Variants in TASP1 observed in about 807,000 individuals in gnomAD.
The protein encoded by TASP1 is taspase 1.
A neutral mutation model predicts 56.6 loss-of-function variants in TASP1; 16 were observed. The observed-to-expected ratio is 0.28, with a 90% CI of 0.19 to 0.43. The LOEUF (loss-of-function observed/expected upper bound fraction) is 0.43, where lower values mean the gene tolerates loss of function less well. TASP1 is among the 20% of genes least tolerant of loss of function. The pLI is 1.00. For synonymous variants in TASP1, 179 were observed against 184.2 expected, an observed-to-expected ratio of 0.97 and a Z score of 0.23; for missense variants, 393 against 511.6, an observed-to-expected ratio of 0.77 and a Z score of 2.24.
intron 13 of TASP1, among the ~76,000 whole-genome samples, chr20:13,394,426 T>C (rs548193081): frequency 4.0e-5 from 6 of 150,492 alleles, no homozygotes; most frequent in South Asian, 2.1e-4. Flanking sequence ...CTGGCTAACA[T>C]GGTGAAACCC....
chr20:13,393,021 CA>C, intron 13 of TASP1: 3 of 584,250 alleles, frequency 5.1e-6, no homozygotes, highest in South Asian at 1.6e-5. Context: ...AGCAGGGAGC[CA>C]AAAGGGTCAT....
At chr20:13,251,894 G>T in the TASP1 span, among the ~76,000 whole-genome samples, 1 of 152,124 alleles carries the variant, frequency 6.6e-6, no homozygotes, top group African/African-American at 2.4e-5. Flanking sequence ...AATGGGTTTG[G>T]CTCTACCTTA....
At chr20:13,625,910 C>G (rs1189149755) in intron 2 of TASP1, among the ~76,000 whole-genome samples, 1 of 152,170 alleles carries the variant, frequency 6.6e-6, no homozygotes, top group Non-Finnish European at 1.5e-5. Context: ...AGAACTGTCT[C>G]AAGAGAATGG....
At chr20:13,459,677 G>C (rs1386900459) in intron 11 of TASP1, among the ~76,000 whole-genome samples, 1 of 152,014 alleles carries the variant, frequency 6.6e-6, no homozygotes, top group Non-Finnish European at 1.5e-5. Flanking sequence ...CCTCCTCCAT[G>C]GGAACTCTGC....
At chr20:13,321,253 TAAAAAAAAA>T in the TASP1 span, among the ~76,000 whole-genome samples, 3 of 57,522 alleles carry the variant, frequency 5.2e-5, no homozygotes, top group African/African-American at 2.3e-4. Flanking sequence ...GTGCCCCACA[TAAAAAAAAA>T]AAAAAAAAAA....
chr20:13,361,815 C>T, the TASP1 span, among the ~76,000 whole-genome samples: 1 of 152,068 alleles, frequency 6.6e-6, no homozygotes, highest in Non-Finnish European at 1.5e-5. Context: ...CCCCAAACTG[C>T]CACTCTTAAC....
chr20:13,486,596 T>A (rs2043325831), intron 10 of TASP1, among the ~76,000 whole-genome samples: 1 of 152,120 alleles, frequency 6.6e-6, no homozygotes. Context: ...TGAAGGAATA[T>A]TTTCTCTACA....
the TASP1 span, chr20:13,126,572 T>A: frequency 6.2e-7 from 1 of 1,612,876 alleles, no homozygotes; most frequent in African/African-American, 1.3e-5. Context: ...TCTTTTTGGG[T>A]TTCCCCTCTT....
At chr20:13,248,902 T>C in the TASP1 span, among the ~76,000 whole-genome samples, 1 of 152,136 alleles carries the variant, frequency 6.6e-6, no homozygotes, top group African/African-American at 2.4e-5. Context: ...TGAAAGTATA[T>C]GATGTAAGAG....
the TASP1 span, among the ~76,000 whole-genome samples, chr20:13,323,292 G>A: frequency 6.6e-6 from 1 of 152,166 alleles, no homozygotes; most frequent in Admixed American, 6.5e-5. Context: ...CTAGGGACTG[G>A]TCCAAAGGAA....
chr20:13,306,564 C>CAAAAAAAAAAAAAAAAAAAAGG, the TASP1 span, among the ~76,000 whole-genome samples: 1 of 63,914 alleles, frequency 1.6e-5, no homozygotes, highest in Non-Finnish European at 2.6e-5. Context: ...GGAGAAAGGA[C>CAAAAAAAAAAAAAAAAAAAAGG]AAAAAAAAAA....
At chr20:13,344,992 C>G in the TASP1 span, among the ~76,000 whole-genome samples, 1 of 152,148 alleles carries the variant, frequency 6.6e-6, no homozygotes, top group African/African-American at 2.4e-5. Flanking sequence ...GCAAGCATGT[C>G]CAGTTAAACT....
intron 11 of TASP1, among the ~76,000 whole-genome samples, chr20:13,482,580 G>C (rs2043179669): frequency 6.6e-6 from 1 of 151,930 alleles, no homozygotes; most frequent in African/African-American, 2.4e-5. Context: ...CTTCAATTTT[G>C]TTTCATCAGT....
chr20:13,229,830 A>C, the TASP1 span, among the ~76,000 whole-genome samples: 2 of 152,024 alleles, frequency 1.3e-5, no homozygotes, highest in African/African-American at 4.8e-5. Context: ...TCTACCAGAA[A>C]TCCCTCTCTC....
intron 10 of TASP1, among the ~76,000 whole-genome samples, chr20:13,487,269 G>A (rs114385088): frequency 0.01 from 1,558 of 152,154 alleles, 27 homozygotes; most frequent in African/African-American, 0.035. Context: ...TCTGTGGTAG[G>A]CCCAGCGTAC....
At chr20:13,142,006 A>G in the TASP1 span, among the ~76,000 whole-genome samples, 1 of 152,240 alleles carries the variant, frequency 6.6e-6, no homozygotes, top group African/African-American at 2.4e-5. Context: ...ATTAGCCAAC[A>G]AACTGAACTC....
chr20:13,603,133 A>G (rs2048023909), intron 4 of TASP1, among the ~76,000 whole-genome samples: 1 of 152,164 alleles, frequency 6.6e-6, no homozygotes, highest in Non-Finnish European at 1.5e-5. Flanking sequence ...CTGGAGACTG[A>G]GGCTAGAGAA....
chr20:13,609,432 C>G (rs966618617), intron 4 of TASP1, among the ~76,000 whole-genome samples: 1 of 151,970 alleles, frequency 6.6e-6, no homozygotes, highest in African/African-American at 2.4e-5. Context: ...ACCTGTAATC[C>G]CAGCACTTTG....
At chr20:13,233,529 A>G in the TASP1 span, among the ~76,000 whole-genome samples, 1 of 147,488 alleles carries the variant, frequency 6.8e-6, no homozygotes, top group African/African-American at 2.5e-5. Context: ...AGGGAGCTAG[A>G]GGTTGCAATG....
Sources: allele counts gnomAD v4.1 joint callset (sites outside exome capture counted in the v4.1 genomes callset), GRCh38; gene constraint gnomAD v4.1.1; transcripts MANE v1.5; gene names NCBI Gene and HGNC (gene_info 2026-07-23, HGNC 2026-07-21).